Variants in BABAM2 observed in about 807,000 individuals in gnomAD.
BABAM2 encodes the protein BRISC and BRCA1 A complex member 2.
Under a neutral mutation model 54.7 loss-of-function variants are expected in BABAM2, and 31 were observed. The observed-to-expected ratio is 0.57, with a 90% CI of 0.43 to 0.77. The LOEUF is 0.77. Among genes scored for constraint, BABAM2 ranks in the 30% least tolerant of loss-of-function variants. The pLI is 0.00. For synonymous variants in BABAM2, 167 were observed against 162.9 expected (o/e 1.03, Z -0.19); for missense variants, 364 against 455.8 (o/e 0.80, Z 1.83).
chr2:28,076,589 G>C (rs577445787), intron 6 of BABAM2, among the ~76,000 whole-genome samples: 109 of 152,040 alleles, frequency 7.2e-4, no homozygotes, highest in Non-Finnish European at 1.4e-3. Flanking sequence ...TCTGCCTCCC[G>C]GGTTCGTGCC....
At chr2:28,297,702 T>C (rs907519853) in intron 10 of BABAM2, among the ~76,000 whole-genome samples, 1 of 152,194 alleles carries the variant, frequency 6.6e-6, no homozygotes, top group African/African-American at 2.4e-5. Context: ...TATGTGGTAA[T>C]GCATATGGAA....
chr2:28,120,709 CA>C lies in BABAM2; in HGVS notation c.571-8561del, dbSNP rs2148749383. Among the ~76,000 whole-genome samples the C allele has an allele frequency of 1.3e-5, 2 of 152,298 alleles. 1 individual carries two copies. The highest frequency in any genetic ancestry group is 4.1e-4 in the South Asian group (2 of 4,822). ...ATCTCTACCCTGCCCTCAAGAAATT[CA>C]CAATCTATTTGGAATATAAAATATA... On this transcript the variant is annotated intron_variant, in intron 6 of 11. Transcript: ENST00000379624.
rs1308206052 is a variant in BABAM2 at position 28,131,167 on chromosome 2, C to T, written c.680+1787C>T. ...CGCAATCTCGGCTCACTGCAAGCTC[C>T]GCCTCCCGGGTTCACGCCATTCTCC... On this transcript the variant is annotated intron_variant, in intron 7 of 11. Coordinates refer to ENST00000379624, the MANE Select transcript of BABAM2 (RefSeq NM_199191.3). 3.8e-3 allele frequency among the ~76,000 whole-genome samples: 85 copies of T among 22,390 alleles called. 29 individuals are homozygous for T. The highest frequency in any genetic ancestry group is 5.9e-3 in the Non-Finnish European group (51 of 8,586). The allele number at this position is 22,390 out of a possible 152,430, so 14.7% of individuals were successfully genotyped here.
chr2:27,982,744 T>G (rs1035969733), intron 3 of BABAM2, among the ~76,000 whole-genome samples: 1 of 152,072 alleles, frequency 6.6e-6, no homozygotes, highest in African/African-American at 2.4e-5. Context: ...AGTATTTGTC[T>G]TTTTGTGACT....
chr2:28,034,489 G>A (rs1196845758), intron 5 of BABAM2, among the ~76,000 whole-genome samples: 5 of 152,216 alleles, frequency 3.3e-5, no homozygotes, highest in South Asian at 2.1e-4. Flanking sequence ...AATAAGTGCC[G>A]CTTCAATGAT....
chr2:28,235,756 A>G (rs4666043), intron 7 of BABAM2, among the ~76,000 whole-genome samples: 143,289 of 152,204 alleles, frequency 0.94, 68,044 homozygotes, highest in Middle Eastern at 1. Flanking sequence ...TCCAAGTTCA[A>G]GTGATCTCCC....
At chr2:28,170,007 T>C (rs1363411404) in intron 7 of BABAM2, among the ~76,000 whole-genome samples, 1 of 152,166 alleles carries the variant, frequency 6.6e-6, no homozygotes, top group East Asian at 1.9e-4. Context: ...TATTTAAGTT[T>C]CTTTAAGATT....
At chr2:28,319,929 C>T (rs969011075) in intron 11 of BABAM2, among the ~76,000 whole-genome samples, 5 of 152,148 alleles carry the variant, frequency 3.3e-5, no homozygotes, top group African/African-American at 9.7e-5. Flanking sequence ...CACTGGGTTC[C>T]CCACTGCGCA....
At chr2:27,990,125 A>G (rs1194991215) in intron 4 of BABAM2, among the ~76,000 whole-genome samples, 4 of 152,156 alleles carry the variant, frequency 2.6e-5, no homozygotes, top group Admixed American at 1.3e-4. Context: ...CCTTAGTGAT[A>G]GTTCATCTAC....
intron 4 of BABAM2, among the ~76,000 whole-genome samples, chr2:28,005,552 T>C (rs993319939): frequency 3.9e-5 from 6 of 152,152 alleles, no homozygotes; most frequent in East Asian, 3.8e-4. Flanking sequence ...GTTTTGAAAA[T>C]TGATAAATTT....
chr2:28,021,511 C>T (rs1002149350), intron 4 of BABAM2, among the ~76,000 whole-genome samples: 10 of 152,254 alleles, frequency 6.6e-5, no homozygotes, highest in Admixed American at 2.0e-4. Flanking sequence ...GCATATATTA[C>T]TTTTTCAATG....
intron 10 of BABAM2, among the ~76,000 whole-genome samples, chr2:28,273,116 G>A (rs1186223344): frequency 1.3e-5 from 2 of 152,134 alleles, no homozygotes; most frequent in African/African-American, 2.4e-5. Context: ...CCAATTCCAC[G>A]GACCGAACAT....
chr2:28,087,262 A>C (rs1020792520), intron 6 of BABAM2, among the ~76,000 whole-genome samples: 3 of 152,182 alleles, frequency 2.0e-5, no homozygotes, highest in African/African-American at 7.2e-5. Context: ...CAGCTCTGTG[A>C]TCTGAAGAGC....
chr2:27,902,931 G>A (rs1244492695), intron 2 of BABAM2, among the ~76,000 whole-genome samples: 1 of 151,962 alleles, frequency 6.6e-6, no homozygotes. Context: ...GTGTGAGAGA[G>A]AGAGAGAGAG....
intron 4 of BABAM2, among the ~76,000 whole-genome samples, chr2:28,005,829 A>G (rs1454696062): frequency 6.6e-6 from 1 of 152,228 alleles, no homozygotes; most frequent in East Asian, 1.9e-4. Context: ...CTATACTCCT[A>G]TTCACTTACT....
chr2:28,284,269 T>C (rs1034447730), intron 10 of BABAM2, among the ~76,000 whole-genome samples: 1 of 151,840 alleles, frequency 6.6e-6, no homozygotes, highest in African/African-American at 2.4e-5. Context: ...CCCATGCTCA[T>C]AGAAGAAGTA....
At chr2:28,013,730 C>CGTGT (rs1553411800) in intron 4 of BABAM2, among the ~76,000 whole-genome samples, 1 of 136,894 alleles carries the variant, frequency 7.3e-6, no homozygotes, top group African/African-American at 2.8e-5. Context: ...CACACACACA[C>CGTGT]GTGTGTGTGT....
At chr2:28,149,640 G>A (rs367846756) in intron 7 of BABAM2, among the ~76,000 whole-genome samples, 5 of 152,178 alleles carry the variant, frequency 3.3e-5, no homozygotes, top group African/African-American at 7.2e-5. Flanking sequence ...TCTTTCCACC[G>A]TATCACTCCA....
At chr2:27,907,254 TC>T (rs993715891) in intron 2 of BABAM2, among the ~76,000 whole-genome samples, 3 of 151,794 alleles carry the variant, frequency 2.0e-5, no homozygotes, top group Non-Finnish European at 4.4e-5. Context: ...GAAAAATACA[TC>T]TTTTTTTTTT....
Sources: allele counts gnomAD v4.1 joint callset (sites outside exome capture counted in the v4.1 genomes callset), GRCh38; gene constraint gnomAD v4.1.1; transcripts MANE v1.5; gene names NCBI Gene and HGNC (gene_info 2026-07-23, HGNC 2026-07-21).